The following MARCKSL1 variants were observed in gnomAD, a reference collection of about 807,000 sequenced individuals.
MARCKSL1 encodes the protein MARCKS like 1, also known as MARCKS-related protein.
MARCKSL1 carries 5 observed loss-of-function variants against 13.3 expected under a neutral mutation model. The ratio of observed to expected loss-of-function variants is 0.38; its 90% confidence interval spans 0.20 to 0.79. The LOEUF (loss-of-function observed/expected upper bound fraction) is 0.79, where lower values mean the gene tolerates loss of function less well. MARCKSL1 is among the 30% of genes least tolerant of loss of function. The pLI, the probability that MARCKSL1 is intolerant of heterozygous loss-of-function variation, is 0.45. For synonymous variants in MARCKSL1, 126 were observed against 103.2 expected (o/e 1.22, Z -1.34); for missense variants, 274 against 251.6 (o/e 1.09, Z -0.60).
chr1:32,334,316 A>C lies in MARCKSL1; in HGVS notation c.*281T>G, dbSNP rs939779567. ...ACAACTGCCTTATGCAGGGGTGGGGACAGGGAAGGAGGTAGGGCCAGGGAC... is the reference window on the plus strand; with the variant it reads ...ACAACTGCCTTATGCAGGGGTGGGGCCAGGGAAGGAGGTAGGGCCAGGGAC... On this transcript the variant is annotated 3_prime_UTR_variant, in exon 2 of 2. Transcript: ENST00000329421. The C allele has an allele frequency of 2.9e-5, 10 of 343,852 alleles. No individual in the cohort carries two copies. Among genetic ancestry groups the C allele is most frequent in the Non-Finnish European group, 5.2e-5 (10 of 191,096 alleles). The allele number at this position is 343,852 out of a possible 1,614,324, so 21.3% of individuals were successfully genotyped here.
In MARCKSL1 at chr1:32,336,197, C is replaced by T. The variant is rs921187191; in HGVS notation, c.-164G>A. 4 of 340,776 alleles carry T rather than the reference C, an allele frequency of 1.2e-5. No individual in the cohort carries two copies. The highest frequency in any genetic ancestry group is 6.5e-5 in the African/African-American group (3 of 46,336). The allele number at this position is 340,776 out of a possible 1,614,324, so 21.1% of individuals were successfully genotyped here. On this transcript the variant is annotated 5_prime_UTR_variant, in exon 1 of 2. Transcript: ENST00000329421. ...CTCCGCTCCGCGGCCGACCCGCTAGCTGCGCCCGCCGCCGCTCCGCTCCGC... is the reference window on the plus strand; with the variant it reads ...CTCCGCTCCGCGGCCGACCCGCTAGTTGCGCCCGCCGCCGCTCCGCTCCGC...
rs1415530606 is a variant in MARCKSL1, at chr1:32,335,916, G to A, written c.87+31C>T. 2 of 1,252,176 alleles carry A rather than the reference G, an allele frequency of 1.6e-6. No individual in the cohort carries two copies. Among genetic ancestry groups the A allele is most frequent in the African/African-American group, 1.5e-5 (1 of 64,886 alleles). The allele number at this position is 1,252,176 out of a possible 1,614,324, so 77.6% of individuals were successfully genotyped here. On this transcript the variant is annotated intron_variant, in intron 1 of 1. Transcript: ENST00000329421. This position sits in a 1 kb window ranked among gnomAD's most constrained non-coding sequence, Gnocchi z 4.1. ...AGAAGGGGCGAGGTGCGAGAGGAGG[G>A]GCTGGGGCCGGCCGGGCCAAGCGTA... is the stretch of plus-strand genomic sequence containing the variant.
rs1220181790 is a variant in MARCKSL1 at position 32,336,093 on chromosome 1, A to G, written c.-60T>C. ...CCGGGCTCGCGCCGCAGGGGATAGT[A>G]CGGCGGGGTCGGCCCGGCCGGCGGA... On this transcript the variant is annotated 5_prime_UTR_variant, in exon 1 of 2. Coordinates refer to ENST00000329421, the MANE Select transcript of MARCKSL1 (RefSeq NM_023009.7). The G allele has an allele frequency of 4.1e-6, 3 of 734,036 alleles. No individual in the cohort carries two copies. Among genetic ancestry groups the G allele is most frequent in the Admixed American group, 4.6e-5 (1 of 21,720 alleles). The allele number at this position is 734,036 out of a possible 1,614,324, so 45.5% of individuals were successfully genotyped here.
In MARCKSL1 at chr1:32,334,379, G is replaced by GT. The variant is rs1641347290; in HGVS notation, c.*217dup. The GT allele has an allele frequency of 2.1e-6, 1 of 466,812 alleles. No homozygotes were observed. Among genetic ancestry groups the GT allele is most frequent in the African/African-American group, 2.0e-5 (1 of 50,002 alleles). 28.9% of individuals were successfully genotyped at this position (466,812 alleles called of 1,614,324 possible). On this transcript the variant is annotated 3_prime_UTR_variant, in exon 2 of 2. Coordinates refer to ENST00000329421, the MANE Select transcript of MARCKSL1 (RefSeq NM_023009.7). ...CATCACTAACCTAACTTGGGAAGCTGTAAGGGACCATCTTCAACTGGCCTT... is the reference window on the plus strand; with the variant it reads ...CATCACTAACCTAACTTGGGAAGCTGTTAAGGGACCATCTTCAACTGGCCTT...
In MARCKSL1 at chr1:32,335,930, G is replaced by C. The variant is rs367628798; in HGVS notation, c.87+17C>G. The C allele has an allele frequency of 3.1e-6, 4 of 1,276,504 alleles. No individual in the cohort carries two copies. The highest frequency in any genetic ancestry group is 4.0e-6 in the Non-Finnish European group (4 of 1,004,876). 79.1% of individuals were successfully genotyped at this position (1,276,504 alleles called of 1,614,324 possible). A position where few individuals can be genotyped will look rare whatever the true frequency, so the allele number is the denominator to read the frequency against. Reference sequence around the variant, plus strand: ...GCGAGAGGAGGGGCTGGGGCCGGCCGGGCCAAGCGTACCCACCTGGCCGTT... The same window carrying C: ...GCGAGAGGAGGGGCTGGGGCCGGCCCGGCCAAGCGTACCCACCTGGCCGTT... On this transcript the variant is annotated intron_variant, in intron 1 of 1. Transcript: ENST00000329421. This position sits in a 1 kb window ranked among gnomAD's most constrained non-coding sequence, Gnocchi z 4.1.
Position 32,335,880 on chromosome 1 carries a change from C to T in MARCKSL1, c.87+67G>A, listed in dbSNP as rs1163527672. 1 of 968,360 alleles carries T rather than the reference C, an allele frequency of 1.0e-6. No individual in the cohort carries two copies. The highest frequency in any genetic ancestry group is 1.3e-6 in the Non-Finnish European group (1 of 744,510). The allele number at this position is 968,360 out of a possible 1,614,324, so 60.0% of individuals were successfully genotyped here. ...ACAAAGCGCGCGGCCCCGGCCCCGG[C>T]CCCGGGCCCTAGAAGGGGCGAGGTG... is the stretch of plus-strand genomic sequence containing the variant. On this transcript the variant is annotated intron_variant, in intron 1 of 1. Transcript: ENST00000329421. This position sits in a 1 kb window ranked among gnomAD's most constrained non-coding sequence, Gnocchi z 4.1.
chr1:32,333,912 G>GA lies in MARCKSL1; in HGVS notation c.*684dup, dbSNP rs113450741. 308 of 134,580 alleles carry GA rather than the reference G, an allele frequency of 2.3e-3. No individual in the cohort carries two copies. In the East Asian group the frequency reaches 0.023, roughly 10 times the overall value. 8.3% of individuals were successfully genotyped at this position (134,580 alleles called of 1,614,324 possible). ...TGGAAGAGAATGGTTTTAGCAGTTA[G>GA]AAAAAAAAAAAAAGTACAAATCTGG... On this transcript the variant is annotated 3_prime_UTR_variant, in exon 2 of 2. Transcript: ENST00000329421.
Position 32,335,316 on chromosome 1 carries a change from C to A in MARCKSL1, c.88-219G>T, listed in dbSNP as rs1280173678. On this transcript the variant is annotated intron_variant, in intron 1 of 1. Coordinates refer to ENST00000329421, the MANE Select transcript of MARCKSL1 (RefSeq NM_023009.7). The surrounding 1 kb of genome is among the most constrained non-coding windows in gnomAD (Gnocchi z 4.1). ...CAGAGGGCGCGACCGGCAGGAGGCG[C>A]TGGGGTCCCGTGGCCCCCACCCCCG... 6.6e-6 allele frequency among the ~76,000 whole-genome samples: 1 copy of A among 152,114 alleles called. No homozygotes were observed. Among genetic ancestry groups the A allele is most frequent in the African/African-American group, 2.4e-5 (1 of 41,442 alleles).
In MARCKSL1 at chr1:32,334,806, C is replaced by G; in HGVS notation, c.379G>C (p.Glu127Gln). Residue 127 changes from glutamate to glutamine, a missense_variant, in exon 2 of 2, where the codon GAG (glutamate) becomes CAG (glutamine). Glu to Gln is a conservative substitution (Grantham distance 29). Coordinates refer to ENST00000329421, the MANE Select transcript of MARCKSL1 (RefSeq NM_023009.7). ...SASSPTEEEQ[E>Q]QGEIGACSDE... is the part of the protein sequence containing the mutation. Reference sequence around the variant, plus strand: ...CTGCAGGCACCGATCTCCCCCTGCTCCTGCTCTTCCTCTGTGGGTGAGGAG... The same window carrying G: ...CTGCAGGCACCGATCTCCCCCTGCTGCTGCTCTTCCTCTGTGGGTGAGGAG... 1.2e-6 allele frequency: 2 copies of G among 1,612,130 alleles called. No individual in the cohort carries two copies. Among genetic ancestry groups the G allele is most frequent in the Non-Finnish European group, 1.7e-6 (2 of 1,179,946 alleles).
In MARCKSL1 at chr1:32,335,873, G is replaced by A; in HGVS notation, c.87+74C>T. The A allele has an allele frequency of 1.1e-6, 1 of 899,704 alleles. No individual in the cohort carries two copies. The highest frequency in any genetic ancestry group is 1.5e-6 in the Non-Finnish European group (1 of 686,040). The allele number at this position is 899,704 out of a possible 1,614,324, so 55.7% of individuals were successfully genotyped here. A position where few individuals can be genotyped will look rare whatever the true frequency, so the allele number is the denominator to read the frequency against. On this transcript the variant is annotated intron_variant, in intron 1 of 1. Transcript: ENST00000329421. This position sits in a 1 kb window ranked among gnomAD's most constrained non-coding sequence, Gnocchi z 4.1. ...GGGCCGGACAAAGCGCGCGGCCCCG[G>A]CCCCGGCCCCGGGCCCTAGAAGGGG... is the stretch of plus-strand genomic sequence containing the variant.
At position 32,335,719 on chromosome 1, in the gene MARCKSL1, G is replaced by A. The variant is rs1641378937; in HGVS notation, c.87+228C>T. ...GGCCGGGGGGCAGCGCCGGGGACCGGGGCCGCGAACAAAGAAGGCGGCAGG... is the reference window on the plus strand; with the variant it reads ...GGCCGGGGGGCAGCGCCGGGGACCGAGGCCGCGAACAAAGAAGGCGGCAGG... On this transcript the variant is annotated intron_variant, in intron 1 of 1. Coordinates refer to ENST00000329421, the MANE Select transcript of MARCKSL1 (RefSeq NM_023009.7). This position sits in a 1 kb window ranked among gnomAD's most constrained non-coding sequence, Gnocchi z 4.1. Among the ~76,000 whole-genome samples the A allele has an allele frequency of 6.6e-6, 1 of 151,116 alleles. No individual in the cohort carries two copies. Among genetic ancestry groups the A allele is most frequent in the South Asian group, 2.1e-4 (1 of 4,832 alleles).
rs1465647380 is a variant in MARCKSL1 at position 32,335,873 on chromosome 1, GC to G, written c.87+73del. The G allele has an allele frequency of 1.1e-6, 1 of 899,700 alleles. No individual in the cohort carries two copies. The highest frequency in any genetic ancestry group is 1.5e-6 in the Non-Finnish European group (1 of 686,036). The allele number at this position is 899,700 out of a possible 1,614,324, so 55.7% of individuals were successfully genotyped here. ...GGGCCGGACAAAGCGCGCGGCCCCG[GC>G]CCCGGCCCCGGGCCCTAGAAGGGGC... is the stretch of plus-strand genomic sequence containing the variant. On this transcript the variant is annotated intron_variant, in intron 1 of 1. Coordinates refer to ENST00000329421, the MANE Select transcript of MARCKSL1 (RefSeq NM_023009.7). This position sits in a 1 kb window ranked among gnomAD's most constrained non-coding sequence, Gnocchi z 4.1.
rs1369710376 is a variant in MARCKSL1, at chr1:32,334,103, A to T, written c.*494T>A. ...AGGTTTGAACTTGAGTAAGACATTT[A>T]TAAAAACCTAGACGGGGCAGTGTCC... On this transcript the variant is annotated 3_prime_UTR_variant, in exon 2 of 2. Transcript: ENST00000329421. 6.5e-6 allele frequency: 1 copy of T among 153,558 alleles called. No homozygotes were observed. Among genetic ancestry groups the T allele is most frequent in the East Asian group, 1.9e-4 (1 of 5,218 alleles). 9.5% of individuals were successfully genotyped at this position (153,558 alleles called of 1,614,324 possible).
At position 32,336,046 on chromosome 1, in the gene MARCKSL1, C is replaced by G. The variant is rs1641387414; in HGVS notation, c.-13G>C. On this transcript the variant is annotated 5_prime_UTR_variant, in exon 1 of 2. Transcript: ENST00000329421. ...TCTGGCTGCCCATGATGGGGGTCTG[C>G]TGGGGGGCGCTTGGAGCCGCCCCGG... 1 of 1,177,252 alleles carries G rather than the reference C, an allele frequency of 8.5e-7. No individual in the cohort carries two copies. The allele number at this position is 1,177,252 out of a possible 1,614,324, so 72.9% of individuals were successfully genotyped here.
rs2148076183 is a variant in MARCKSL1 at position 32,335,225 on chromosome 1, C to T, written c.88-128G>A. The stretch of plus-strand genomic sequence containing the variant: ...ACCCGAAAGTCTGGCTTCAGCCTCA[C>T]CCACACCCAGGATCCCGTCAAACAC... On this transcript the variant is annotated intron_variant, in intron 1 of 1. Coordinates refer to ENST00000329421, the MANE Select transcript of MARCKSL1 (RefSeq NM_023009.7). This position sits in a 1 kb window ranked among gnomAD's most constrained non-coding sequence, Gnocchi z 4.1. 9.5e-7 allele frequency: 1 copy of T among 1,056,676 alleles called. No homozygotes were observed. The highest frequency in any genetic ancestry group is 2.9e-5 in the East Asian group (1 of 34,004). The allele number at this position is 1,056,676 out of a possible 1,614,324, so 65.5% of individuals were successfully genotyped here. A position where few individuals can be genotyped will look rare whatever the true frequency, so the allele number is the denominator to read the frequency against.
rs368594598 is a variant in MARCKSL1 at position 32,334,878 on chromosome 1, G to C, written c.307C>G (p.Leu103Val). Residue 103 changes from leucine (L) to valine (V), a missense_variant, in exon 2 of 2, where the codon CTG (leucine) becomes GTG (valine). By Grantham distance (32) the Leu-to-Val change is conservative (BLOSUM62 1). Transcript: ENST00000329421. Reference protein sequence around the residue: ...SFKKPFKLSGLSFKRNRKEGG... With the variant: ...SFKKPFKLSGVSFKRNRKEGG... ...TCCTTCCGATTTCTCTTGAAGGACA[G>C]GCCGCTCAATTTGAAAGGCTTCTTG... The C allele has an allele frequency of 1.9e-6, 3 of 1,612,566 alleles. No individual in the cohort carries two copies. The highest frequency in any genetic ancestry group is 2.5e-6 in the Non-Finnish European group (3 of 1,179,978).
At position 32,336,224 on chromosome 1, in the gene MARCKSL1, C is replaced by A. The variant is rs1434785626; in HGVS notation, c.-191G>T. ...GCGCCCGCCGCCGCTCCGCTCCGCGCCAGAATGCCGCCCGCCGCCCGCCGA... is the reference window on the plus strand; with the variant it reads ...GCGCCCGCCGCCGCTCCGCTCCGCGACAGAATGCCGCCCGCCGCCCGCCGA... On this transcript the variant is annotated 5_prime_UTR_variant, in exon 1 of 2. Coordinates refer to ENST00000329421, the MANE Select transcript of MARCKSL1 (RefSeq NM_023009.7). 11 of 324,406 alleles carry A rather than the reference C, an allele frequency of 3.4e-5. No individual in the cohort carries two copies. Among genetic ancestry groups the A allele is most frequent in the South Asian group, 1.5e-4 (1 of 6,830 alleles). 20.1% of individuals were successfully genotyped at this position (324,406 alleles called of 1,614,324 possible). A position where few individuals can be genotyped will look rare whatever the true frequency, so the allele number is the denominator to read the frequency against.
rs1641384742 is a variant in MARCKSL1 at position 32,335,937 on chromosome 1, GC to G, written c.87+9del. Reference sequence around the variant, plus strand: ...GAGGGGCTGGGGCCGGCCGGGCCAAGCGTACCCACCTGGCCGTTGGCCTTCG... The same window carrying G: ...GAGGGGCTGGGGCCGGCCGGGCCAAGGTACCCACCTGGCCGTTGGCCTTCG... On this transcript the variant is annotated intron_variant, in intron 1 of 1. Coordinates refer to ENST00000329421, the MANE Select transcript of MARCKSL1 (RefSeq NM_023009.7). The surrounding 1 kb of genome is among the most constrained non-coding windows in gnomAD (Gnocchi z 4.1). 4.7e-6 allele frequency: 6 copies of G among 1,283,636 alleles called. No homozygotes were observed. The Admixed American group carries it at 1.6e-4, about 33-fold the overall frequency. 79.5% of individuals were successfully genotyped at this position (1,283,636 alleles called of 1,614,324 possible).
rs1412263166 is a variant in MARCKSL1, at chr1:32,335,876, C to T, written c.87+71G>A. On this transcript the variant is annotated intron_variant, in intron 1 of 1. Transcript: ENST00000329421. The surrounding 1 kb of genome is among the most constrained non-coding windows in gnomAD (Gnocchi z 4.1). ...CCGGACAAAGCGCGCGGCCCCGGCCCCGGCCCCGGGCCCTAGAAGGGGCGA... is the reference window on the plus strand; with the variant it reads ...CCGGACAAAGCGCGCGGCCCCGGCCTCGGCCCCGGGCCCTAGAAGGGGCGA... 3 of 958,256 alleles carry T rather than the reference C, an allele frequency of 3.1e-6. No individual in the cohort carries two copies. The highest frequency in any genetic ancestry group is 1.4e-6 in the Non-Finnish European group (1 of 737,346). 59.4% of individuals were successfully genotyped at this position (958,256 alleles called of 1,614,324 possible).
Sources: gnomAD v4.1 joint callset for allele counts (sites outside exome capture counted in the v4.1 genomes callset) on GRCh38, gnomAD v4.1.1 for gene constraint, Gnocchi (gnomAD v3.1) non-coding constraint, MANE v1.5 for transcripts, NCBI Gene and HGNC (gene_info 2026-07-23, HGNC 2026-07-21) for gene names.